Variants in GALNT17 observed in about 807,000 individuals in gnomAD.
GALNT17 encodes the protein polypeptide N-acetylgalactosaminyltransferase 17, also known as UDP-GalNAc:polypeptide N-acetylgalactosaminyltransferase-like 3.
In GALNT17, 29 loss-of-function variants were observed where a neutral mutation model predicts 63.7. The observed-to-expected ratio is 0.46, with a 90% CI of 0.34 to 0.62. The LOEUF (loss-of-function observed/expected upper bound fraction) is 0.62. GALNT17 is among the 20% of genes least tolerant of loss of function. The probability of loss-of-function intolerance (pLI) is 0.01; values close to 1 mark genes in which losing one functional copy is unlikely to be tolerated. For missense variants in GALNT17, 603 were observed against 799.6 expected (o/e 0.75, Z 2.97); for synonymous variants, 305 against 318.3 (o/e 0.96, Z 0.45).
At chr7:71,186,361 A>T (rs1207579297) in intron 1 of GALNT17, among the ~76,000 whole-genome samples, 1 of 152,188 alleles carries the variant, frequency 6.6e-6, no homozygotes. Flanking sequence ...GCTGCTACTG[A>T]AAACTTAGTG....
At chr7:71,184,792 T>C (rs1788799979) in intron 1 of GALNT17, among the ~76,000 whole-genome samples, 1 of 152,184 alleles carries the variant, frequency 6.6e-6, no homozygotes, top group African/African-American at 2.4e-5. Flanking sequence ...AATTCTAAAT[T>C]GACTGTTAGA....
At chr7:71,203,985 A>C (rs1789222662) in intron 1 of GALNT17, among the ~76,000 whole-genome samples, 1 of 151,616 alleles carries the variant, frequency 6.6e-6, no homozygotes. Flanking sequence ...TATTCAAAAA[A>C]GTCATTGTCC....
At chr7:71,356,741 G>T (rs973776704) in intron 2 of GALNT17, among the ~76,000 whole-genome samples, 1 of 152,128 alleles carries the variant, frequency 6.6e-6, no homozygotes, top group East Asian at 1.9e-4. Context: ...TCAATATAGC[G>T]TGTCAAATAT....
intron 6 of GALNT17, among the ~76,000 whole-genome samples, chr7:71,638,637 A>G (rs1330981811): frequency 6.6e-6 from 1 of 152,126 alleles, no homozygotes; most frequent in Non-Finnish European, 1.5e-5. Context: ...TCTAATGTGG[A>G]TGGCTGGGGA....
intron 1 of GALNT17, among the ~76,000 whole-genome samples, chr7:71,184,468 G>A (rs1788794731): frequency 6.6e-6 from 1 of 152,154 alleles, no homozygotes. Context: ...GCTGGCTGAT[G>A]TCTTCACCAA....
At position 71,611,884 on chromosome 7, in the gene GALNT17, G is replaced by A. The variant is rs1191926415; in HGVS notation, c.1080+40482G>A. Among the ~76,000 whole-genome samples the A allele has an allele frequency of 3.9e-5, 6 of 152,010 alleles. 1 individual carries two copies. Among genetic ancestry groups the A allele is most frequent in the Admixed American group, 3.9e-4 (6 of 15,246 alleles). On this transcript the variant is annotated intron_variant, in intron 6 of 10. Transcript: ENST00000333538. ...GAGAGAAAGTGAGTATTGGGAGTGT[G>A]TGGTACAGCTTAGGGGCCGCCTTAT...
chr7:71,645,847 T>A (rs1259726317), intron 6 of GALNT17, among the ~76,000 whole-genome samples: 1 of 152,160 alleles, frequency 6.6e-6, no homozygotes, highest in Non-Finnish European at 1.5e-5. Context: ...TTGGCAAATA[T>A]CAAGCCTGCA....
intron 5 of GALNT17, among the ~76,000 whole-genome samples, chr7:71,474,378 T>C (rs28483889): frequency 0.042 from 6,361 of 152,216 alleles, 245 homozygotes; most frequent in African/African-American, 0.1. Context: ...TTCCTGGCAA[T>C]GCAGCCCAAT....
At chr7:71,315,403 T>C (rs1791482703) in intron 1 of GALNT17, among the ~76,000 whole-genome samples, 1 of 152,126 alleles carries the variant, frequency 6.6e-6, no homozygotes, top group African/African-American at 2.4e-5. Context: ...GCGGAATTGT[T>C]GGATCATATG....
At chr7:71,439,775 T>G (rs984167883) in intron 5 of GALNT17, among the ~76,000 whole-genome samples, 14 of 152,148 alleles carry the variant, frequency 9.2e-5, no homozygotes, top group African/African-American at 3.1e-4. Context: ...CCCATTAATT[T>G]TATGGAGCTG....
chr7:71,259,799 G>A (rs1374684859), intron 1 of GALNT17, among the ~76,000 whole-genome samples: 1 of 151,768 alleles, frequency 6.6e-6, no homozygotes, highest in Non-Finnish European at 1.5e-5. Context: ...CCACCACCAC[G>A]CCTGGCTAAT....
chr7:71,301,863 G>A (rs1202098302), intron 1 of GALNT17, among the ~76,000 whole-genome samples: 3 of 152,164 alleles, frequency 2.0e-5, no homozygotes, highest in Non-Finnish European at 2.9e-5. Context: ...CTTTATAGGC[G>A]GTTTCTGCTT....
At chr7:71,318,934 A>T (rs139023171) in intron 1 of GALNT17, among the ~76,000 whole-genome samples, 1 of 152,056 alleles carries the variant, frequency 6.6e-6, no homozygotes, top group East Asian at 1.9e-4. Context: ...CCACATCCCC[A>T]TTGTACGCAT....
intron 6 of GALNT17, 81 bp downstream of exon 6, chr7:71,571,483 A>T: frequency 8.9e-7 from 1 of 1,125,514 alleles, no homozygotes; most frequent in Non-Finnish European, 1.4e-6. Context: ...GGTGTATTTA[A>T]AGCTCCTTAC....
intron 6 of GALNT17, among the ~76,000 whole-genome samples, chr7:71,608,753 G>A (rs575722432): frequency 6.6e-6 from 1 of 152,132 alleles, no homozygotes; most frequent in East Asian, 1.9e-4. Flanking sequence ...CCAGCAACTG[G>A]AGATGAACTG....
At chr7:71,507,444 GA>G (rs1788286649) in intron 5 of GALNT17, among the ~76,000 whole-genome samples, 1 of 152,170 alleles carries the variant, frequency 6.6e-6, no homozygotes. Context: ...CAATCTAGGT[GA>G]TTTCTGATTT....
intron 1 of GALNT17, among the ~76,000 whole-genome samples, chr7:71,268,590 A>C (rs1253179116): frequency 6.8e-6 from 1 of 145,988 alleles, no homozygotes; most frequent in African/African-American, 2.7e-5. Flanking sequence ...TAAATAAATA[A>C]ATATTAAAAA....
chr7:71,419,214 G>T (rs1426849058), intron 4 of GALNT17, among the ~76,000 whole-genome samples: 1 of 152,188 alleles, frequency 6.6e-6, no homozygotes, highest in Non-Finnish European at 1.5e-5. Context: ...GTTCATCATG[G>T]TTCATCAAAG....
intron 5 of GALNT17, among the ~76,000 whole-genome samples, chr7:71,544,297 ATTTT>A (rs754061155): frequency 8.6e-6 from 1 of 116,922 alleles, no homozygotes; most frequent in African/African-American, 3.2e-5. Context: ...ACGCCCGGCT[ATTTT>A]TTTTTTTTTT....
Sources: allele counts gnomAD v4.1 joint callset (sites outside exome capture counted in the v4.1 genomes callset), GRCh38; gene constraint gnomAD v4.1.1; transcripts MANE v1.5; gene names NCBI Gene and HGNC (gene_info 2026-07-23, HGNC 2026-07-21).